The following NAV3 variants were observed in gnomAD, a reference collection of about 807,000 sequenced individuals.
NAV3 encodes pore membrane and/or filament interacting like protein 1.
Under a neutral mutation model 244.7 loss-of-function variants are expected in NAV3, and 87 were observed. The observed-to-expected ratio is 0.36, with a 90% CI of 0.30 to 0.42. NAV3 has a LOEUF of 0.42. Ranked by LOEUF, NAV3 falls within the 20% of genes least tolerant of loss-of-function variation. NAV3 has a pLI of 1.00. For missense variants in NAV3, 2,663 were observed against 2,893.3 expected (o/e 0.92, Z 1.83); for synonymous variants, 1,126 against 1,042.2 (o/e 1.08, Z -1.55).
chr12:77,807,912 A>G (rs992177129), intron 2 of NAV3, among the ~76,000 whole-genome samples: 9 of 151,814 alleles, frequency 5.9e-5, no homozygotes, highest in Non-Finnish European at 1.2e-4. Context: ...TTCATGTTTT[A>G]TTTCACTCAG....
chr12:77,794,072 A>C (rs1002436526), intron 2 of NAV3, among the ~76,000 whole-genome samples: 1 of 152,176 alleles, frequency 6.6e-6, no homozygotes, highest in Admixed American at 6.5e-5. Context: ...TCCAATGACC[A>C]GTGATGATGA....
chr12:77,992,487 A>T (rs1183148385), intron 5 of NAV3, among the ~76,000 whole-genome samples: 1 of 152,178 alleles, frequency 6.6e-6, no homozygotes, highest in Non-Finnish European at 1.5e-5. Flanking sequence ...AGAAATAAAG[A>T]AATTTAAGTA....
chr12:77,577,335 G>C (rs902602), intron 2 of NAV3, among the ~76,000 whole-genome samples: 35,887 of 152,020 alleles, frequency 0.24, 4,677 homozygotes, highest in East Asian at 0.45. Flanking sequence ...TCTCAGATTT[G>C]AACTTGGATA....
At chr12:78,014,429 AAT>A (rs1220655731) in intron 8 of NAV3, among the ~76,000 whole-genome samples, 2 of 152,134 alleles carry the variant, frequency 1.3e-5, no homozygotes, top group Non-Finnish European at 2.9e-5. Flanking sequence ...CCATTAATTA[AAT>A]ATAAGCAGAG....
chr12:77,711,875 A>G (rs899875530), intron 2 of NAV3, among the ~76,000 whole-genome samples: 3 of 151,942 alleles, frequency 2.0e-5, no homozygotes, highest in African/African-American at 4.8e-5. Context: ...CCTGCATCCT[A>G]TTTGTGTCTC....
chr12:77,827,042 C>T (rs972034550), upstream of NAV3, among the ~76,000 whole-genome samples: 1 of 151,926 alleles, frequency 6.6e-6, no homozygotes, highest in Non-Finnish European at 1.5e-5. Context: ...GCCAACATGG[C>T]GAAACCCTGG....
rs1181056160 is a variant in NAV3, at chr12:78,199,363, C to T, written c.6547C>T (p.Pro2183Ser). ...RWVLCANHTE[P>S]VKGFLGRYLR... The stretch of plus-strand genomic sequence containing the variant: ...GGTATTATGTGCAAATCATACAGAA[C>T]CAGTGAAAGGCTTTTTAGGCAGATA... Residue 2183 changes from proline to serine, a missense_variant, in exon 37 of 40, where the codon CCA (proline) becomes TCA (serine). Transcript: ENST00000397909. The T allele has an allele frequency of 3.1e-6, 5 of 1,608,410 alleles. No homozygotes were observed. Among genetic ancestry groups the T allele is most frequent in the Non-Finnish European group, 4.2e-6 (5 of 1,177,674 alleles).
intron 2 of NAV3, among the ~76,000 whole-genome samples, chr12:77,683,093 A>G (rs145821487): frequency 3.6e-4 from 55 of 152,192 alleles, no homozygotes; most frequent in African/African-American, 1.2e-3. Context: ...TGTCAAGACC[A>G]ATGTCATAGA....
intron 12 of NAV3, chr12:78,088,717 A>G (rs1321070882): frequency 6.6e-6 from 1 of 152,122 alleles, no homozygotes; most frequent in Non-Finnish European, 1.5e-5. Context: ...TAGGCAGCAA[A>G]TACATACTTT....
rs536188153 is a variant in NAV3 at position 77,781,871 on chromosome 12, T to G, written c.73-158448T>G. On this transcript the variant is annotated intron_variant, in intron 2 of 8. Coordinates refer to the NAV3 transcript ENST00000550042. ...AGAATGACTAGGGCAAGTGTTTGGCTAGCAAGAACAAGTTTTCTGTAATAT... is the reference window on the plus strand; with the variant it reads ...AGAATGACTAGGGCAAGTGTTTGGCGAGCAAGAACAAGTTTTCTGTAATAT... 1.4e-4 allele frequency among the ~76,000 whole-genome samples: 21 copies of G among 152,290 alleles called. No homozygotes were observed. The East Asian group carries it at 2.7e-3, about 20-fold the overall frequency.
chr12:77,727,966 C>T (rs893033204), intron 2 of NAV3, among the ~76,000 whole-genome samples: 5 of 151,870 alleles, frequency 3.3e-5, no homozygotes, highest in Non-Finnish European at 5.9e-5. Context: ...GTGGGAAAAA[C>T]ACCCAAATTG....
intron 38 of NAV3, among the ~76,000 whole-genome samples, chr12:78,204,726 A>G (rs562454057): frequency 6.6e-6 from 1 of 152,208 alleles, no homozygotes; most frequent in African/African-American, 2.4e-5. Context: ...CCAAATATTC[A>G]GCTTCATTTT....
Position 78,119,300 on chromosome 12 carries a change from A to G in NAV3, c.3104A>G (p.Gln1035Arg), listed in dbSNP as rs372332757. Reference sequence around the variant, plus strand: ...GCTCCCCTAAAAGGATCATCTCTACAAAGATCTCCTTCAGATGCAGGAAAA... The same window carrying G: ...GCTCCCCTAAAAGGATCATCTCTACGAAGATCTCCTTCAGATGCAGGAAAA... Reference protein sequence around the residue: ...GKAPLKGSSLQRSPSDAGKSS... With the variant: ...GKAPLKGSSLRRSPSDAGKSS... Residue 1035 changes from glutamine to arginine, a missense_variant, in exon 15 of 40, where the codon CAA becomes CGA. Physicochemically the swap from Gln to Arg is conservative, Grantham distance 43. Coordinates refer to ENST00000397909, the MANE Select transcript of NAV3 (RefSeq NM_001024383.2). The G allele has an allele frequency of 6.9e-5, 111 of 1,614,082 alleles. No individual in the cohort carries two copies. Among genetic ancestry groups the G allele is most frequent in the Non-Finnish European group, 8.4e-5 (99 of 1,180,044 alleles).
At chr12:77,973,168 G>T (rs1476276082) in intron 5 of NAV3, among the ~76,000 whole-genome samples, 1 of 152,056 alleles carries the variant, frequency 6.6e-6, no homozygotes, top group Non-Finnish European at 1.5e-5. Flanking sequence ...ATTATTAAAT[G>T]ATTTTCCTTC....
intron 2 of NAV3, among the ~76,000 whole-genome samples, chr12:77,768,316 C>A (rs576290559): frequency 6.6e-6 from 1 of 152,194 alleles, no homozygotes; most frequent in African/African-American, 2.4e-5. Context: ...TGGGGTTTCA[C>A]CAGGCACCTG....
At chr12:77,961,747 C>G (rs1304357510) in intron 3 of NAV3, among the ~76,000 whole-genome samples, 3 of 136,770 alleles carry the variant, frequency 2.2e-5, no homozygotes, top group African/African-American at 2.8e-5. Flanking sequence ...TTAAAGTAGA[C>G]TGGGGAGAGA....
At position 78,190,244 on chromosome 12, in the gene NAV3, C is replaced by T. The variant is rs770589928; in HGVS notation, c.6291+25C>T. On this transcript the variant is annotated intron_variant, in intron 34 of 39. Coordinates refer to ENST00000397909, the MANE Select transcript of NAV3 (RefSeq NM_001024383.2). ...GGTATGTTACAGAATTCTAAGAGAA[C>T]AGCTACAATTTATCCATAAGTGTTT... 63 of 1,565,062 alleles carry T rather than the reference C, an allele frequency of 4.0e-5. No individual in the cohort carries two copies. In the Admixed American group the frequency reaches 7.3e-4, roughly 18 times the overall value.
At chr12:77,669,806 C>T (rs1188550751) in intron 2 of NAV3, among the ~76,000 whole-genome samples, 1 of 151,936 alleles carries the variant, frequency 6.6e-6, no homozygotes, top group Non-Finnish European at 1.5e-5. Flanking sequence ...GACAGAAAGT[C>T]AACAAAGAAA....
At chr12:77,859,585 A>G (rs538332046) in intron 1 of NAV3, among the ~76,000 whole-genome samples, 1 of 149,814 alleles carries the variant, frequency 6.7e-6, no homozygotes, top group African/African-American at 2.4e-5. Flanking sequence ...AACCTGCACA[A>G]TGTGCACATG....
Sources: gnomAD v4.1 joint callset for allele counts (sites outside exome capture counted in the v4.1 genomes callset) on GRCh38, gnomAD v4.1.1 for gene constraint, MANE v1.5 for transcripts, NCBI Gene and HGNC (gene_info 2026-07-23, HGNC 2026-07-21) for gene names.